STK31: variants seen among roughly 807,000 people sequenced by gnomAD.
STK31 encodes the protein serine/threonine-protein kinase 31.
STK31 carries 89 observed loss-of-function variants against 129.7 expected under a neutral mutation model. The ratio of observed to expected loss-of-function variants is 0.69; its 90% CI spans 0.58 to 0.82. The LOEUF is 0.82. Ranked by LOEUF, STK31 falls within the 40% of genes least tolerant of loss-of-function variation. The pLI, the probability that STK31 is intolerant of heterozygous loss-of-function variation, is 0.00. For synonymous variants in STK31, 448 were observed against 395.3 expected, an observed-to-expected ratio of 1.13 and a Z score of -1.58; for missense variants, 1,187 against 1,176.4, an observed-to-expected ratio of 1.01 and a Z score of -0.13.
At chr7:23,780,119 G>C (rs10258916) in intron 15 of STK31, among the ~76,000 whole-genome samples, 55,128 of 151,872 alleles carry the variant, frequency 0.36, 10,125 homozygotes, top group Admixed American at 0.41. Context: ...CACTTCCTGG[G>C]TGAGGTGACT....
chr7:23,711,536 ATTTAT>A (rs1464075057), intron 1 of STK31, among the ~76,000 whole-genome samples: 1 of 152,078 alleles, frequency 6.6e-6, no homozygotes, highest in Non-Finnish European at 1.5e-5. Context: ...CATAGTGTAC[ATTTAT>A]TTTGGAATAT....
At chr7:23,819,791 T>C (rs1793693512) in intron 23 of STK31, among the ~76,000 whole-genome samples, 1 of 109,272 alleles carries the variant, frequency 9.2e-6, no homozygotes, top group South Asian at 2.8e-4. Flanking sequence ...AATAATGGAA[T>C]AGCAACATTA....
chr7:23,729,516 T>G (rs916436460), intron 6 of STK31, among the ~76,000 whole-genome samples: 22 of 144,608 alleles, frequency 1.5e-4, no homozygotes, highest in East Asian at 1.9e-4. Context: ...TTTTTGTTTT[T>G]TTTTTTTTTT....
At chr7:23,757,136 G>A (rs1430178117) in intron 10 of STK31, among the ~76,000 whole-genome samples, 1 of 151,910 alleles carries the variant, frequency 6.6e-6, no homozygotes, top group Non-Finnish European at 1.5e-5. Context: ...TTTTTTGGTC[G>A]GTAGGCTGTT....
At chr7:23,783,695 C>A in intron 17 of STK31, 32 bp downstream of exon 17, 1 of 1,515,300 alleles carries the variant, frequency 6.6e-7, no homozygotes, top group South Asian at 1.2e-5. Context: ...AATTACTACT[C>A]TTCAGAGGGT....
intron 22 of STK31, among the ~76,000 whole-genome samples, chr7:23,810,744 TA>T (rs1330308728): frequency 1.7e-4 from 22 of 131,562 alleles, no homozygotes; most frequent in African/African-American, 5.0e-4. Context: ...ATATATAAAA[TA>T]GATATATATA....
rs576024953 is a variant in STK31 at position 23,731,650 on chromosome 7, A to G, written c.483+2401A>G. 2.6e-5 allele frequency among the ~76,000 whole-genome samples: 4 copies of G among 152,288 alleles called. No homozygotes were observed. The South Asian group carries it at 8.3e-4, about 32-fold the overall frequency. ...GAAATTCCTTCACATTTTTTTAACT[A>G]ACACTTTCACGCTATGCTGCAGCAC... On this transcript the variant is annotated intron_variant, in intron 6 of 23. Transcript: ENST00000355870.
intron 4 of STK31, chr7:23,721,806 A>C: frequency 1.7e-6 from 1 of 596,360 alleles, no homozygotes; most frequent in South Asian, 1.7e-5. Flanking sequence ...CTCTACAGGC[A>C]TGATCCTCTA....
chr7:23,721,921 T>G, intron 4 of STK31: 1 of 366,664 alleles, frequency 2.7e-6, no homozygotes, highest in East Asian at 6.6e-5. Flanking sequence ...GGTTCTCAGC[T>G]CCATCAGGTC....
intron 22 of STK31, among the ~76,000 whole-genome samples, chr7:23,808,048 T>C (rs577627787): frequency 6.6e-6 from 1 of 151,962 alleles, no homozygotes; most frequent in South Asian, 2.1e-4. Flanking sequence ...GGTTGTCTTT[T>C]TCTCAGTCAA....
intron 8 of STK31, 138 bp from the exon 9 acceptor site, chr7:23,752,579 C>A: frequency 1.5e-6 from 1 of 660,286 alleles, no homozygotes; most frequent in East Asian, 2.9e-5. Context: ...GAGCTCAAAC[C>A]ATCTGTCCTC....
chr7:23,765,265 G>A (rs1438950733), intron 11 of STK31, among the ~76,000 whole-genome samples: 1 of 151,948 alleles, frequency 6.6e-6, no homozygotes, highest in Non-Finnish European at 1.5e-5. Flanking sequence ...TGTTGCCCAG[G>A]GTGGGCTCGA....
chr7:23,784,474 T>C lies in STK31; in HGVS notation c.2148+811T>C, dbSNP rs532060600. On this transcript the variant is annotated intron_variant, in intron 17 of 23. Transcript: ENST00000355870. The stretch of plus-strand genomic sequence containing the variant: ...TTAGCTTAGTGATTACCTTATGCAG[T>C]GTGGGCAAATAAGTATGTACTGCCA... Among the ~76,000 whole-genome samples, 12 of 152,322 alleles carry C rather than the reference T, an allele frequency of 7.9e-5. No homozygotes were observed. In the East Asian group the frequency reaches 2.3e-3, roughly 29 times the overall value.
intron 15 of STK31, among the ~76,000 whole-genome samples, chr7:23,777,098 G>A (rs919716992): frequency 1.3e-5 from 2 of 152,278 alleles, no homozygotes; most frequent in Admixed American, 1.3e-4. Flanking sequence ...TCATTCAGGA[G>A]CAGGTTGTTC....
At chr7:23,797,271 G>A (rs996738287) in intron 22 of STK31, among the ~76,000 whole-genome samples, 5 of 152,144 alleles carry the variant, frequency 3.3e-5, no homozygotes, top group African/African-American at 1.2e-4. Flanking sequence ...GGACCTAATA[G>A]ACACCTACAG....
At chr7:23,759,537 T>C (rs1225076746) in intron 10 of STK31, among the ~76,000 whole-genome samples, 1 of 152,228 alleles carries the variant, frequency 6.6e-6, no homozygotes, top group Non-Finnish European at 1.5e-5. Context: ...CCTTTAACTT[T>C]TACAGTATCT....
intron 11 of STK31, among the ~76,000 whole-genome samples, chr7:23,763,764 C>T (rs1233557822): frequency 9.0e-6 from 1 of 111,540 alleles, no homozygotes; most frequent in Non-Finnish European, 2.0e-5. Flanking sequence ...GAAATGTTTT[C>T]ATTTTCTAAT....
chr7:23,820,180 C>A (rs1793716139), intron 23 of STK31, among the ~76,000 whole-genome samples: 1 of 152,172 alleles, frequency 6.6e-6, no homozygotes, highest in East Asian at 1.9e-4. Context: ...TCCATTTCAC[C>A]AAAAAGTACA....
intron 22 of STK31, among the ~76,000 whole-genome samples, chr7:23,798,647 C>T (rs1792161190): frequency 6.6e-6 from 1 of 152,168 alleles, no homozygotes; most frequent in Non-Finnish European, 1.5e-5. Context: ...TAATATCTTA[C>T]TGAATGGGCA....
Sources: gnomAD v4.1 joint callset for allele counts (sites outside exome capture counted in the v4.1 genomes callset) on GRCh38, gnomAD v4.1.1 for gene constraint, MANE v1.5 for transcripts, NCBI Gene and HGNC (gene_info 2026-07-23, HGNC 2026-07-21) for gene names.